Variants in PRKN observed in about 807,000 individuals in gnomAD.
The protein encoded by PRKN is E3 ubiquitin-protein ligase parkin.
Under a neutral mutation model 59.5 loss-of-function variants are expected in PRKN, and 56 were observed. That is an observed-to-expected ratio of 0.94 (90% CI 0.76 to 1.18). PRKN has a LOEUF of 1.18. Among genes scored for constraint, PRKN ranks in the 50% most tolerant of loss-of-function variants. PRKN has a pLI of 0.00. For synonymous variants in PRKN, 250 were observed against 222.1 expected (o/e 1.13, Z -1.12); for missense variants, 657 against 596.4 (o/e 1.10, Z -1.06).
chr6:162,391,114 GA>G (rs1487307613), intron 2 of PRKN, among the ~76,000 whole-genome samples: 1 of 152,190 alleles, frequency 6.6e-6, no homozygotes, highest in Non-Finnish European at 1.5e-5. Context: ...TAAAAATGTT[GA>G]AATACTTATT....
At chr6:162,556,343 GT>G (rs1483666238) in intron 1 of PRKN, among the ~76,000 whole-genome samples, 1,552 of 19,060 alleles carry the variant, frequency 0.081, 50 homozygotes, top group Middle Eastern at 0.13. Context: ...TACTCAGCTG[GT>G]GTGTGTGTGT....
chr6:161,857,900 A>C (rs973286132), intron 6 of PRKN, among the ~76,000 whole-genome samples: 4 of 152,334 alleles, frequency 2.6e-5, no homozygotes, highest in African/African-American at 9.6e-5. Context: ...CAGCCAAATA[A>C]GTATTAAATG....
At chr6:162,377,241 G>A (rs1786158847) in intron 2 of PRKN, among the ~76,000 whole-genome samples, 2 of 152,182 alleles carry the variant, frequency 1.3e-5, no homozygotes, top group South Asian at 4.1e-4. Context: ...CTGCAGACTG[G>A]TAGGCTGACT....
intron 4 of PRKN, among the ~76,000 whole-genome samples, chr6:162,096,376 C>T (rs1779731941): frequency 6.6e-6 from 1 of 152,094 alleles, no homozygotes; most frequent in South Asian, 2.1e-4. Context: ...TTCCATTAGC[C>T]CTTTAATCAA....
At chr6:161,701,521 G>T (rs1165526052) in intron 7 of PRKN, among the ~76,000 whole-genome samples, 4 of 152,088 alleles carry the variant, frequency 2.6e-5, no homozygotes, top group Non-Finnish European at 4.4e-5. Context: ...ATAAGAAATG[G>T]ATTTTTCAGT....
chr6:162,622,354 T>C (rs571244562), intron 1 of PRKN, among the ~76,000 whole-genome samples: 2 of 151,962 alleles, frequency 1.3e-5, no homozygotes, highest in South Asian at 2.1e-4. Context: ...AGGCGAATTT[T>C]TGCATTTTTA....
intron 6 of PRKN, among the ~76,000 whole-genome samples, chr6:161,915,366 C>G (rs1339008338): frequency 6.6e-6 from 1 of 152,082 alleles, no homozygotes; most frequent in Non-Finnish European, 1.5e-5. Flanking sequence ...AAAGAACACC[C>G]TATTCTTATT....
At chr6:162,098,597 G>A (rs768989266) in intron 4 of PRKN, among the ~76,000 whole-genome samples, 6 of 152,212 alleles carry the variant, frequency 3.9e-5, no homozygotes, top group Admixed American at 6.5e-5. Flanking sequence ...CTGTGCTTAC[G>A]TACAACCTTT....
chr6:161,991,703 A>T (rs1037581569), intron 5 of PRKN, among the ~76,000 whole-genome samples: 11 of 151,728 alleles, frequency 7.2e-5, no homozygotes, highest in Admixed American at 3.3e-4. Context: ...ATTAGCCTGG[A>T]GTGGTGGTGG....
chr6:162,459,288 C>T (rs1381141142), intron 1 of PRKN, among the ~76,000 whole-genome samples: 6 of 151,980 alleles, frequency 3.9e-5, no homozygotes, highest in Non-Finnish European at 7.4e-5. Flanking sequence ...AATGGCACTC[C>T]CCTGAACTGA....
chr6:162,712,067 C>A (rs1476642013), intron 1 of PRKN, among the ~76,000 whole-genome samples: 1 of 152,162 alleles, frequency 6.6e-6, no homozygotes, highest in Non-Finnish European at 1.5e-5. Flanking sequence ...TGGTATGAGA[C>A]AAGTTGACTA....
At chr6:162,538,409 T>TA (rs2128199010) in intron 1 of PRKN, among the ~76,000 whole-genome samples, 1 of 151,404 alleles carries the variant, frequency 6.6e-6, no homozygotes, top group East Asian at 1.9e-4. Context: ...AATAAATAAA[T>TA]AAAATTAAAA....
At chr6:161,880,086 T>A (rs374284273) in intron 6 of PRKN, among the ~76,000 whole-genome samples, 1 of 152,230 alleles carries the variant, frequency 6.6e-6, no homozygotes, top group Non-Finnish European at 1.5e-5. Flanking sequence ...TATGCTCTTT[T>A]CATGTTTAAT....
chr6:162,648,369 T>C lies in PRKN; in HGVS notation c.7+79293A>G, dbSNP rs141264496. Among the ~76,000 whole-genome samples the C allele has an allele frequency of 4.8e-3, 699 of 144,426 alleles. 2 individuals carry two copies. Among genetic ancestry groups the C allele is most frequent in the Admixed American group, 7.1e-3 (95 of 13,318 alleles). The allele number at this position is 144,426 out of a possible 152,430, so 94.7% of individuals were successfully genotyped here. Reference sequence around the variant, plus strand: ...ATGCAACTCCTCTGAGGTAATTAAATCCTTGGTGTTCTTTCTTTTTTTATT... The same window carrying C: ...ATGCAACTCCTCTGAGGTAATTAAACCCTTGGTGTTCTTTCTTTTTTTATT... On this transcript the variant is annotated intron_variant, in intron 1 of 11. Transcript: ENST00000366898.
At chr6:162,375,351 C>T (rs1786002779) in intron 2 of PRKN, among the ~76,000 whole-genome samples, 1 of 150,694 alleles carries the variant, frequency 6.6e-6, no homozygotes, top group African/African-American at 2.4e-5. Flanking sequence ...AAAAAAGCCA[C>T]TGGAGTAGGG....
chr6:161,626,350 G>GAACTACCA (rs1449035738), intron 7 of PRKN, among the ~76,000 whole-genome samples: 2 of 152,180 alleles, frequency 1.3e-5, no homozygotes, highest in Non-Finnish European at 2.9e-5. Context: ...AGTGCAGACC[G>GAACTACCA]AACTACCACC....
chr6:162,373,643 T>G (rs1459059123), intron 2 of PRKN, among the ~76,000 whole-genome samples: 1 of 152,184 alleles, frequency 6.6e-6, no homozygotes, highest in Non-Finnish European at 1.5e-5. Context: ...TAGGAAATTC[T>G]TAATACCCTT....
intron 3 of PRKN, among the ~76,000 whole-genome samples, chr6:162,251,610 T>TA (rs1457906343): frequency 6.6e-6 from 1 of 152,096 alleles, no homozygotes; most frequent in Admixed American, 6.5e-5. Context: ...ATATTCGAAA[T>TA]AAAAATAAGT....
rs535901697 is a variant in PRKN at position 161,583,936 on chromosome 6, C to T, written c.872-14520G>A. Among the ~76,000 whole-genome samples, 7 of 152,284 alleles carry T rather than the reference C, an allele frequency of 4.6e-5. No homozygotes were observed. In the South Asian group the frequency reaches 6.2e-4, roughly 14 times the overall value. Reference sequence around the variant, plus strand: ...TAAATTGGACACACTCCCCAAAGTGCGACTACCACCGGGTTAAAGTATCGT... The same window carrying T: ...TAAATTGGACACACTCCCCAAAGTGTGACTACCACCGGGTTAAAGTATCGT... On this transcript the variant is annotated intron_variant, in intron 7 of 11. Coordinates refer to ENST00000366898, the MANE Select transcript of PRKN (RefSeq NM_004562.3).
Sources: allele counts gnomAD v4.1 joint callset (sites outside exome capture counted in the v4.1 genomes callset), GRCh38; gene constraint gnomAD v4.1.1; transcripts MANE v1.5; gene names NCBI Gene and HGNC (gene_info 2026-07-23, HGNC 2026-07-21).